Variants in FAM135B observed in about 807,000 individuals in gnomAD.
FAM135B encodes the protein family with sequence similarity 135 member B, also known as protein FAM135B.
A neutral mutation model predicts 127.7 loss-of-function variants in FAM135B; 43 were observed. The ratio of observed to expected loss-of-function variants is 0.34; its 90% confidence interval spans 0.26 to 0.43. The LOEUF is 0.43. Among genes scored for constraint, FAM135B ranks in the 20% least tolerant of loss-of-function variants. FAM135B has a pLI of 1.00. For missense variants in FAM135B, 1,558 were observed against 1,725.6 expected (o/e 0.90, Z 1.72); for synonymous variants, 670 against 665.1 (o/e 1.01, Z -0.11).
intron 9 of FAM135B, among the ~76,000 whole-genome samples, chr8:138,190,545 C>A (rs1816020700): frequency 6.6e-6 from 1 of 152,164 alleles, no homozygotes; most frequent in Non-Finnish European, 1.5e-5. Context: ...TTTGGAAGAA[C>A]CCTGCAAAGC....
intron 8 of FAM135B, among the ~76,000 whole-genome samples, chr8:138,196,692 C>A (rs1041590866): frequency 1.3e-5 from 2 of 152,104 alleles, no homozygotes; most frequent in African/African-American, 2.4e-5. Context: ...TGGGTGTTAT[C>A]GTTGAAAAGC....
At chr8:138,254,415 T>C (rs1485288760) in intron 5 of FAM135B, among the ~76,000 whole-genome samples, 1 of 152,156 alleles carries the variant, frequency 6.6e-6, no homozygotes, top group Non-Finnish European at 1.5e-5. Context: ...CTGTGATGAA[T>C]TGGAAATGTC....
At chr8:138,324,588 C>A (rs1386296980) in intron 2 of FAM135B, among the ~76,000 whole-genome samples, 1 of 152,166 alleles carries the variant, frequency 6.6e-6, no homozygotes, top group Non-Finnish European at 1.5e-5. Flanking sequence ...TACTTTGATA[C>A]CTGACAGTGT....
chr8:138,334,661 G>C (rs963769444), intron 2 of FAM135B, among the ~76,000 whole-genome samples: 2 of 152,002 alleles, frequency 1.3e-5, no homozygotes, highest in African/African-American at 4.8e-5. Context: ...TTCTATTCCT[G>C]CATTAGTTTG....
chr8:138,151,997 G>T lies in FAM135B; in HGVS notation c.2478C>A (p.Asp826Glu), dbSNP rs1310663613. Residue 826 changes from aspartate to glutamate, a missense_variant, in exon 13 of 20, where the codon GAC becomes GAA. Asp to Glu is a conservative substitution (Grantham distance 45). Around this residue, in one of 5 missense-constraint regions of FAM135B, gnomAD observed 923 missense variants for 865.3 expected, o/e 1.07. Transcript: ENST00000395297. ...CTAAAACTATCTCCACCAGGGGATG[G>T]TCTGCTCCAGCATCTGTTCCAGAGT... ...CGDSGTDAGA[D>E]HPLVEIVLDA... The T allele has an allele frequency of 6.2e-7, 1 of 1,614,066 alleles. No homozygotes were observed. Among genetic ancestry groups the T allele is most frequent in the Non-Finnish European group, 8.5e-7 (1 of 1,180,014 alleles).
chr8:138,338,197 A>G (rs1253324548), intron 2 of FAM135B, among the ~76,000 whole-genome samples: 4 of 151,448 alleles, frequency 2.6e-5, no homozygotes, highest in Admixed American at 6.6e-5. Flanking sequence ...ACATAGGCAT[A>G]GGCAAGGACT....
intron 2 of FAM135B, among the ~76,000 whole-genome samples, chr8:138,328,540 C>A (rs1028732275): frequency 5.3e-5 from 8 of 152,242 alleles, no homozygotes; most frequent in South Asian, 4.1e-4. Flanking sequence ...ATTGTAGGAA[C>A]CCTGGGGAGT....
intron 1 of FAM135B, among the ~76,000 whole-genome samples, chr8:138,379,220 G>A (rs1219710230): frequency 1.3e-5 from 2 of 152,138 alleles, no homozygotes; most frequent in African/African-American, 4.8e-5. Context: ...GGAAAGAGCA[G>A]GGGCTTCAGG....
At chr8:138,250,085 G>T (rs1322937287) in intron 6 of FAM135B, among the ~76,000 whole-genome samples, 1 of 152,142 alleles carries the variant, frequency 6.6e-6, no homozygotes, top group African/African-American at 2.4e-5. Context: ...GGGTGTGGTG[G>T]CTCACGCCTG....
chr8:138,422,634 C>T (rs923777007), intron 1 of FAM135B, among the ~76,000 whole-genome samples: 1 of 151,998 alleles, frequency 6.6e-6, no homozygotes, highest in African/African-American at 2.4e-5. Flanking sequence ...AATGTTTATA[C>T]ACTGCTGATG....
At chr8:138,174,656 AC>A (rs1443586209) in intron 11 of FAM135B, among the ~76,000 whole-genome samples, 21 of 152,200 alleles carry the variant, frequency 1.4e-4, no homozygotes, top group African/African-American at 4.8e-4. Context: ...AATGCTTACA[AC>A]ATTCTCTAAT....
chr8:138,143,298 C>A (rs958067006), intron 15 of FAM135B, among the ~76,000 whole-genome samples, 189 bp from the exon 16 acceptor site: 1 of 152,106 alleles, frequency 6.6e-6, no homozygotes, highest in African/African-American at 2.4e-5. Flanking sequence ...AAGAAAGAAA[C>A]ATGGAGATGC....
Position 138,220,061 on chromosome 8 carries a change from TCACACACA to T in FAM135B, c.670-22400_670-22393del, listed in dbSNP as rs3221962. Among the ~76,000 whole-genome samples, 3 of 146,408 alleles carry T rather than the reference TCACACACA, an allele frequency of 2.0e-5. No individual in the cohort carries two copies. In the South Asian group the frequency reaches 6.7e-4, roughly 33 times the overall value. On this transcript the variant is annotated intron_variant, in intron 7 of 19. Transcript: ENST00000395297. ...CACAAATAGGGTGATTTGCCTAAAA[TCACACACA>T]CACACACACACACACACACACGTGC...
chr8:138,232,877 C>T (rs1261130886), intron 7 of FAM135B, among the ~76,000 whole-genome samples: 1 of 152,148 alleles, frequency 6.6e-6, no homozygotes, highest in East Asian at 1.9e-4. Flanking sequence ...CAATGTTGTA[C>T]AGCAGATATC....
rs10639016 is a variant in FAM135B, at chr8:138,248,823, C to CAAA, written c.542+2015_542+2017dup. Among the ~76,000 whole-genome samples the CAAA allele has an allele frequency of 7.1e-3, 920 of 128,706 alleles. 40 individuals are homozygous for CAAA. Among genetic ancestry groups the CAAA allele is most frequent in the African/African-American group, 0.02 (660 of 33,064 alleles). 84.4% of individuals were successfully genotyped at this position (128,706 alleles called of 152,430 possible). A position where few individuals can be genotyped will look rare whatever the true frequency, so the allele number is the denominator to read the frequency against. ...TGACAGACAGAGTGAGACGCTGTCT[C>CAAA]AAAAAAAAAAAAACAATAAAAGTAA... On this transcript the variant is annotated intron_variant, in intron 6 of 19. Coordinates refer to ENST00000395297, the MANE Select transcript of FAM135B (RefSeq NM_015912.4).
intron 3 of FAM135B, among the ~76,000 whole-genome samples, chr8:138,284,749 G>A (rs923903773): frequency 2.6e-5 from 4 of 151,844 alleles, no homozygotes; most frequent in African/African-American, 9.7e-5. Context: ...TCTCCTTAAC[G>A]TGGTCAGACA....
chr8:138,157,511 CTGTT>C (rs1818881849), intron 12 of FAM135B, among the ~76,000 whole-genome samples: 1 of 152,164 alleles, frequency 6.6e-6, no homozygotes, highest in South Asian at 2.1e-4. Context: ...CAAATTGTCT[CTGTT>C]TGCAGATGAC....
chr8:138,372,130 A>G (rs1005644050), intron 1 of FAM135B, among the ~76,000 whole-genome samples: 4 of 152,234 alleles, frequency 2.6e-5, no homozygotes, highest in Non-Finnish European at 4.4e-5. Context: ...GTCTAGGGTC[A>G]TCAGTGCAGA....
rs908845506 is a variant in FAM135B, at chr8:138,132,153, C to T, written c.*440G>A. 1.2e-5 allele frequency: 2 copies of T among 172,664 alleles called. No homozygotes were observed. Among genetic ancestry groups the T allele is most frequent in the Non-Finnish European group, 2.5e-5 (2 of 80,634 alleles). The allele number at this position is 172,664 out of a possible 1,614,324, so 10.7% of individuals were successfully genotyped here. A position where few individuals can be genotyped will look rare whatever the true frequency, so the allele number is the denominator to read the frequency against. ...ATTCTATTTACACAAATATGTTCCA[C>T]TGCTGCACAGAGATTAACCTGAGTT... On this transcript the variant is annotated 3_prime_UTR_variant, in exon 20 of 20. Coordinates refer to ENST00000395297, the MANE Select transcript of FAM135B (RefSeq NM_015912.4). This position sits in a 1 kb window ranked among gnomAD's most constrained non-coding sequence, Gnocchi z 4.5.
Sources: gnomAD v4.1 joint callset for allele counts (sites outside exome capture counted in the v4.1 genomes callset) on GRCh38, gnomAD v4.1.1 for gene constraint, gnomAD v4.1.1 regional missense constraint, Gnocchi (gnomAD v3.1) non-coding constraint, MANE v1.5 for transcripts, NCBI Gene and HGNC (gene_info 2026-07-23, HGNC 2026-07-21) for gene names.